FRRS1L: variants seen among roughly 807,000 people sequenced by gnomAD.
FRRS1L encodes ferric chelate reductase 1 like, also known as DOMON domain-containing protein FRRS1L.
In FRRS1L, 22 loss-of-function variants were observed where a neutral mutation model predicts 28.6. The ratio of observed to expected loss-of-function variants is 0.77; its 90% CI spans 0.55 to 1.10. FRRS1L has a LOEUF of 1.10. Ranked by LOEUF, FRRS1L falls within the 50% of genes least tolerant of loss-of-function variation. The probability of loss-of-function intolerance (pLI) is 0.00; values close to 1 mark genes in which losing one functional copy is unlikely to be tolerated. For synonymous variants in FRRS1L, 158 were observed against 151.4 expected, an observed-to-expected ratio of 1.04 and a Z score of -0.32; for missense variants, 380 against 386.9, an observed-to-expected ratio of 0.98 and a Z score of 0.15.
At chr9:109,138,009 T>A (rs1413995354) in intron 4 of FRRS1L, 1 of 152,948 alleles carries the variant, frequency 6.5e-6, no homozygotes, top group Non-Finnish European at 1.5e-5. Context: ...GGGCAAACTA[T>A]ATTTTTATTT....
At position 109,132,819 on chromosome 9, in the gene FRRS1L, T is replaced by C. The variant is rs775131255; in HGVS notation, c.*4636A>G. The C allele has an allele frequency of 2.6e-5, 4 of 152,234 alleles. No homozygotes were observed. The highest frequency in any genetic ancestry group is 4.4e-5 in the Non-Finnish European group (3 of 68,042). 9.4% of individuals were successfully genotyped at this position (152,234 alleles called of 1,614,324 possible). On this transcript the variant is annotated 3_prime_UTR_variant, in exon 5 of 5. Transcript: ENST00000561981. ...AAAGTTCAGTGTCAATTAAGTTTTA[T>C]TGGAACATAGCCATGCTCATTCATT... is the stretch of plus-strand genomic sequence containing the variant.
Position 109,166,961 on chromosome 9 carries a change from C to A in FRRS1L, c.178G>T (p.Asp60Tyr), listed in dbSNP as rs772506414. Residue 60 changes from aspartate (D) to tyrosine (Y), a missense_variant, in exon 1 of 5, where the codon GAC becomes TAC. Physicochemically the swap from Asp to Tyr is radical, Grantham distance 160 (BLOSUM62 -3). Transcript: ENST00000561981. ...CCCGCGAAGGTGCCGTAGGAGGAGT[C>A]GTGGCGCGGCACCGCCTCGTCGGCG... ...TGADEAVPRH[D>Y]SSYGTFAGEF... The A allele has an allele frequency of 1.5e-6, 2 of 1,344,900 alleles. No individual in the cohort carries two copies. Among genetic ancestry groups the A allele is most frequent in the Non-Finnish European group, 1.9e-6 (2 of 1,039,436 alleles). 83.3% of individuals were successfully genotyped at this position (1,344,900 alleles called of 1,614,324 possible). A position where few individuals can be genotyped will look rare whatever the true frequency, so the allele number is the denominator to read the frequency against.
Position 109,147,195 on chromosome 9 carries a change from A to G in FRRS1L, c.324-6T>C, listed in dbSNP as rs755165973. The G allele has an allele frequency of 3.7e-6, 6 of 1,609,014 alleles. No individual in the cohort carries two copies. The highest frequency in any genetic ancestry group is 1.7e-5 in the Admixed American group (1 of 59,916). ...TACAGCCTGGTTTGCCATATCTAGA[A>G]GAGATATCGAAAGAGACTTTACTGC... is the stretch of plus-strand genomic sequence containing the variant. On this transcript the variant is annotated splice_polypyrimidine_tract_variant and splice_region_variant and intron_variant, in intron 2 of 4. Coordinates refer to ENST00000561981, the MANE Select transcript of FRRS1L (RefSeq NM_014334.4).
intron 1 of FRRS1L, among the ~76,000 whole-genome samples, chr9:109,165,299 A>G (rs1831534039): frequency 6.6e-6 from 1 of 152,250 alleles, no homozygotes; most frequent in African/African-American, 2.4e-5. Flanking sequence ...TAATGTGGGC[A>G]GCCAGCCTAA....
At chr9:109,165,552 A>T (rs2118519637) in intron 1 of FRRS1L, among the ~76,000 whole-genome samples, 1 of 152,328 alleles carries the variant, frequency 6.6e-6, no homozygotes, top group South Asian at 2.1e-4. Flanking sequence ...ATATGTTAAA[A>T]TCTCTAATTC....
rs1419950860 is a variant in FRRS1L at position 109,138,610 on chromosome 9, G to A, written c.710-983C>T. Reference sequence around the variant, plus strand: ...TGCCTGTAGTTTCAGACACTTGGGAGGCTGAGGTGGGAGGATCACTTAAAC... The same window carrying A: ...TGCCTGTAGTTTCAGACACTTGGGAAGCTGAGGTGGGAGGATCACTTAAAC... On this transcript the variant is annotated intron_variant, in intron 4 of 4. Coordinates refer to ENST00000561981, the MANE Select transcript of FRRS1L (RefSeq NM_014334.4). 3 of 152,306 alleles carry A rather than the reference G, an allele frequency of 2.0e-5. No individual in the cohort carries two copies. The East Asian group carries it at 5.8e-4, about 29-fold the overall frequency. The allele number at this position is 152,306 out of a possible 1,614,324, so 9.4% of individuals were successfully genotyped here.
At chr9:109,166,123 C>G (rs1831545006) in intron 1 of FRRS1L, among the ~76,000 whole-genome samples, 1 of 152,186 alleles carries the variant, frequency 6.6e-6, no homozygotes, top group Non-Finnish European at 1.5e-5. Flanking sequence ...GGTTGGATAT[C>G]CCTCTTAGCA....
Position 109,156,846 on chromosome 9 carries a change from A to G in FRRS1L, c.239-7126T>C, listed in dbSNP as rs1036221015. On this transcript the variant is annotated intron_variant, in intron 1 of 4. Coordinates refer to ENST00000561981, the MANE Select transcript of FRRS1L (RefSeq NM_014334.4). ...CCACCACACCCAGCAACTTTTTTTA[A>G]ATTTTTTGTAGAGACAGGGTTTTGC... is the stretch of plus-strand genomic sequence containing the variant. Among the ~76,000 whole-genome samples, 4 of 151,608 alleles carry G rather than the reference A, an allele frequency of 2.6e-5. No individual in the cohort carries two copies. In the South Asian group the frequency reaches 6.2e-4, roughly 24 times the overall value.
In FRRS1L at chr9:109,131,153, G is replaced by C. The variant is rs899304519; in HGVS notation, c.*6302C>G. On this transcript the variant is annotated 3_prime_UTR_variant, in exon 5 of 5. Transcript: ENST00000561981. The stretch of plus-strand genomic sequence containing the variant: ...TAAATAACTGGATACTTGAATAACT[G>C]AATAAGGAACCTAATTAAATACAAA... 1 of 152,142 alleles carries C rather than the reference G, an allele frequency of 6.6e-6. No homozygotes were observed. The highest frequency in any genetic ancestry group is 2.4e-5 in the African/African-American group (1 of 41,442). The allele number at this position is 152,142 out of a possible 1,614,324, so 9.4% of individuals were successfully genotyped here. A position where few individuals can be genotyped will look rare whatever the true frequency, so the allele number is the denominator to read the frequency against.
rs1254384132 is a variant in FRRS1L at position 109,167,012 on chromosome 9, G to C, written c.127C>G (p.Arg43Gly). ...DGAGPGGRGP[R>G]GRARGDTGAD... is the part of the protein sequence containing the mutation. Reference sequence around the variant, plus strand: ...CCCGTGTCCCCCCGCGCGCGTCCCCGGGGTCCCCGGCCCCCCGGGCCCGCA... The same window carrying C: ...CCCGTGTCCCCCCGCGCGCGTCCCCCGGGTCCCCGGCCCCCCGGGCCCGCA... The change falls in exon 1 of 5, where the codon CGG (arginine) becomes GGG (glycine). Residue 43 changes from arginine to glycine, a missense_variant. Coordinates refer to ENST00000561981, the MANE Select transcript of FRRS1L (RefSeq NM_014334.4). The C allele has an allele frequency of 1.9e-5, 23 of 1,229,662 alleles. No homozygotes were observed. Among genetic ancestry groups the C allele is most frequent in the Middle Eastern group, 3.2e-4 (1 of 3,154 alleles). 76.2% of individuals were successfully genotyped at this position (1,229,662 alleles called of 1,614,324 possible).
intron 1 of FRRS1L, among the ~76,000 whole-genome samples, chr9:109,159,829 A>G (rs754414814): frequency 9.2e-5 from 14 of 152,168 alleles, no homozygotes; most frequent in Admixed American, 2.0e-4. Context: ...TGACTTGCAA[A>G]CATCAGCTCA....
chr9:109,131,693 G>A lies in FRRS1L; in HGVS notation c.*5762C>T, dbSNP rs1831058221. Reference sequence around the variant, plus strand: ...ATCACTTTCATATCATCGTAAGTTTGAAAACTCTTAAGTTGAACCATCCAA... The same window carrying A: ...ATCACTTTCATATCATCGTAAGTTTAAAAACTCTTAAGTTGAACCATCCAA... On this transcript the variant is annotated 3_prime_UTR_variant, in exon 5 of 5. Coordinates refer to ENST00000561981, the MANE Select transcript of FRRS1L (RefSeq NM_014334.4). 1 of 152,202 alleles carries A rather than the reference G, an allele frequency of 6.6e-6. No individual in the cohort carries two copies. Among genetic ancestry groups the A allele is most frequent in the African/African-American group, 2.4e-5 (1 of 41,442 alleles). 9.4% of individuals were successfully genotyped at this position (152,202 alleles called of 1,614,324 possible). A position where few individuals can be genotyped will look rare whatever the true frequency, so the allele number is the denominator to read the frequency against.
intron 1 of FRRS1L, among the ~76,000 whole-genome samples, chr9:109,161,574 C>A (rs1047791107): frequency 1.3e-5 from 2 of 151,980 alleles, no homozygotes; most frequent in Non-Finnish European, 2.9e-5. Context: ...TTTTTAGGTT[C>A]TCAATTGGGC....
intron 1 of FRRS1L, among the ~76,000 whole-genome samples, chr9:109,153,932 C>A (rs1030561986): frequency 6.6e-6 from 1 of 152,198 alleles, no homozygotes; most frequent in African/African-American, 2.4e-5. Flanking sequence ...CTCTGCAAAC[C>A]ATTTCTCCTT....
intron 1 of FRRS1L, among the ~76,000 whole-genome samples, chr9:109,160,314 C>T (rs971933143): frequency 1.3e-5 from 2 of 152,206 alleles, no homozygotes; most frequent in African/African-American, 4.8e-5. Flanking sequence ...GATAATCCCA[C>T]TAGCCACCTA....
At position 109,167,043 on chromosome 9, in the gene FRRS1L, G is replaced by C; in HGVS notation, c.96C>G (p.Asp32Glu). 1 of 1,196,186 alleles carries C rather than the reference G, an allele frequency of 8.4e-7. No homozygotes were observed. The highest frequency in any genetic ancestry group is 1.0e-6 in the Non-Finnish European group (1 of 967,742). 74.1% of individuals were successfully genotyped at this position (1,196,186 alleles called of 1,614,324 possible). A position where few individuals can be genotyped will look rare whatever the true frequency, so the allele number is the denominator to read the frequency against. The change falls in exon 1 of 5, where the codon GAC (aspartate) becomes GAG (glutamate). Residue 32 changes from aspartate to glutamate, a missense_variant. Physicochemically the swap from Asp to Glu is conservative, Grantham distance 45 (BLOSUM62 2). Transcript: ENST00000561981. ...GPAACAASPA[D>E]DGAGPGGRGP... ...CCCGGCCCCCCGGGCCCGCACCGTC[G>C]TCCGCGGGGCTGGCTGCGCAGGCGG...
At position 109,136,466 on chromosome 9, in the gene FRRS1L, A is replaced by C. The variant is rs2118456489; in HGVS notation, c.*989T>G. The C allele has an allele frequency of 6.6e-6, 1 of 151,974 alleles. No individual in the cohort carries two copies. The highest frequency in any genetic ancestry group is 2.1e-4 in the South Asian group (1 of 4,796). 9.4% of individuals were successfully genotyped at this position (151,974 alleles called of 1,614,324 possible). ...CCAACCTTTGCAAATAGCAGTAAAA[A>C]TGTTTTCCCATAGCTGCTCTCTAAC... On this transcript the variant is annotated 3_prime_UTR_variant, in exon 5 of 5. Coordinates refer to ENST00000561981, the MANE Select transcript of FRRS1L (RefSeq NM_014334.4).
At chr9:109,143,814 T>C (rs1399917878) in intron 3 of FRRS1L, among the ~76,000 whole-genome samples, 1 of 152,118 alleles carries the variant, frequency 6.6e-6, no homozygotes, top group East Asian at 1.9e-4. Context: ...CGGCTAATAA[T>C]GTACCATTTT....
chr9:109,131,927 C>T lies in FRRS1L; in HGVS notation c.*5528G>A, dbSNP rs1020092112. On this transcript the variant is annotated 3_prime_UTR_variant, in exon 5 of 5. Transcript: ENST00000561981. ...GCCACATCACATGTGTAAAACACTC[C>T]CATGGTGCAGCAGATTTTGATACAA... The T allele has an allele frequency of 6.8e-6, 1 of 147,286 alleles. No homozygotes were observed. Among genetic ancestry groups the T allele is most frequent in the African/African-American group, 2.4e-5 (1 of 41,008 alleles). The allele number at this position is 147,286 out of a possible 1,614,324, so 9.1% of individuals were successfully genotyped here.
Sources: allele counts gnomAD v4.1 joint callset (sites outside exome capture counted in the v4.1 genomes callset), GRCh38; gene constraint gnomAD v4.1.1; transcripts MANE v1.5; gene names NCBI Gene and HGNC (gene_info 2026-07-23, HGNC 2026-07-21).